Variants in SHROOM4 observed in about 807,000 individuals in gnomAD.
SHROOM4 encodes the protein shroom family member 4, also known as protein Shroom4.
Under a neutral mutation model 80.3 loss-of-function variants are expected in SHROOM4, and 17 were observed. The observed-to-expected ratio is 0.21, with a 90% CI of 0.14 to 0.32. The LOEUF (loss-of-function observed/expected upper bound fraction) is 0.32, where lower values mean the gene tolerates loss of function less well. Among genes scored for constraint, SHROOM4 ranks in the 10% least tolerant of loss-of-function variants. The pLI is 1.00. For missense variants in SHROOM4, 993 were observed against 1,140.3 expected, an observed-to-expected ratio of 0.87 and a Z score of 1.86; for synonymous variants, 400 against 437.5, an observed-to-expected ratio of 0.91 and a Z score of 1.07.
At chrX:50,663,306 C>A (rs1602416045) in intron 2 of SHROOM4, among the ~76,000 whole-genome samples, 1 of 111,948 alleles carries the variant, frequency 8.9e-6, no homozygotes, top group African/African-American at 3.2e-5. Flanking sequence ...TGGCTCAAAC[C>A]TGGTAATCAT....
intron 8 of SHROOM4, 85 bp downstream of exon 8, chrX:50,598,181 A>G: frequency 1.7e-6 from 2 of 1,148,205 alleles, no homozygotes; most frequent in Non-Finnish European, 2.4e-6. Context: ...ACTGTTTCCT[A>G]TAGTAGCCCA....
intron 1 of SHROOM4, among the ~76,000 whole-genome samples, chrX:50,763,509 A>G (rs1307080701): frequency 2.7e-5 from 3 of 111,309 alleles, no homozygotes; most frequent in Non-Finnish European, 5.6e-5. Context: ...CTAGATTCTG[A>G]TTAGCTTTCC....
intron 1 of SHROOM4, among the ~76,000 whole-genome samples, chrX:50,804,981 ATACT>A (rs1259128210): frequency 9.0e-6 from 1 of 111,422 alleles, no homozygotes; most frequent in Non-Finnish European, 1.9e-5. Flanking sequence ...GTCAAGCCTG[ATACT>A]TACCCCCTGA....
intron 3 of SHROOM4, 104 bp downstream of exon 3, chrX:50,638,070 T>C (rs1931431822): frequency 9.8e-7 from 1 of 1,021,776 alleles, no homozygotes; most frequent in East Asian, 3.4e-5. Flanking sequence ...TTTTCCATTA[T>C]AGTACTTGAG....
In SHROOM4 at chrX:50,635,129, G is replaced by T. The variant is rs1557255596; in HGVS notation, c.944C>A (p.Pro315His). The change falls in exon 4 of 9, where the codon CCT becomes CAT. Residue 315 changes from proline (P) to histidine (H), a missense_variant. Transcript: ENST00000376020. ...LPQKEKLSLE[P>H]VLPARNPNRF... The stretch of plus-strand genomic sequence containing the variant: ...ATTAGGGTTCCTTGCGGGTAGCACA[G>T]GCTCTAAGCTCAGTTTCTCCTTCTG... 8.3e-7 allele frequency: 1 copy of T among 1,211,054 alleles called. No homozygotes were observed.
chrX:50,813,313 C>G (rs1002166706), intron 1 of SHROOM4, among the ~76,000 whole-genome samples: 5 of 111,705 alleles, frequency 4.5e-5, no homozygotes, highest in African/African-American at 1.6e-4. Context: ...AGGGAGAGGC[C>G]GAGCCGAACC....
In SHROOM4 at chrX:50,634,502, T is replaced by C. The variant is rs1281855110; in HGVS notation, c.1571A>G (p.Asn524Ser). The C allele has an allele frequency of 5.0e-6, 6 of 1,209,705 alleles. No individual in the cohort carries two copies. The highest frequency in any genetic ancestry group is 1.8e-5 in the African/African-American group (1 of 57,028). ...GGAGCCAGAGGCAGAGGGTTGCTGG[T>C]TGGCCAATTCACTGGCTGCTCTGCT... is the stretch of plus-strand genomic sequence containing the variant. ...RTSRAASELA[N>S]QQPSASGSLV... The change falls in exon 4 of 9, where the codon AAC becomes AGC. Residue 524 changes from asparagine to serine, a missense_variant. By Grantham distance (46) the Asn-to-Ser change is conservative (BLOSUM62 1). Coordinates refer to ENST00000376020, the MANE Select transcript of SHROOM4 (RefSeq NM_020717.5).
rs1929018522 is a variant in SHROOM4 at position 50,594,622 on chromosome X, T to C, written c.*2073A>G. The C allele has an allele frequency of 9.0e-6, 1 of 111,436 alleles. No homozygotes were observed. Among genetic ancestry groups the C allele is most frequent in the Non-Finnish European group, 1.9e-5 (1 of 53,108 alleles). The allele number at this position is 111,436 out of a possible 1,213,427, so 9.2% of individuals were successfully genotyped here. On this transcript the variant is annotated 3_prime_UTR_variant, in exon 9 of 9. Transcript: ENST00000376020. The stretch of plus-strand genomic sequence containing the variant: ...CACAAATTCTGAGAATGATGAAACA[T>C]ATCAGCCTCATCCTCCCAATACAGG...
chrX:50,685,369 GA>G (rs781896131), intron 2 of SHROOM4, among the ~76,000 whole-genome samples: 2 of 111,801 alleles, frequency 1.8e-5, no homozygotes, highest in East Asian at 5.6e-4. Context: ...CCTTGGAATG[GA>G]AGTCTGGAGC....
intron 2 of SHROOM4, 147 bp downstream of exon 2, chrX:50,695,639 A>G (rs1386359184): frequency 1.5e-5 from 9 of 617,537 alleles, no homozygotes; most frequent in Non-Finnish European, 2.3e-5. Flanking sequence ...CTCCTGTGCT[A>G]TTCTGCTTCA....
the SHROOM4 span, among the ~76,000 whole-genome samples, chrX:50,576,136 C>G: frequency 3.6e-5 from 4 of 111,491 alleles, no homozygotes; most frequent in African/African-American, 1.3e-4. Context: ...TTGGGTGTCT[C>G]TAGGTGAGAA....
At chrX:50,726,085 G>A (rs1287727374) in intron 1 of SHROOM4, among the ~76,000 whole-genome samples, 1 of 112,084 alleles carries the variant, frequency 8.9e-6, no homozygotes, top group Admixed American at 9.4e-5. Flanking sequence ...CTCTTGCTAT[G>A]CTTTAGCGAA....
chrX:50,797,074 A>C (rs1010876919), intron 1 of SHROOM4, among the ~76,000 whole-genome samples: 1 of 98,518 alleles, frequency 1.0e-5, no homozygotes, highest in Non-Finnish European at 2.1e-5. Context: ...GGAAAGAAGA[A>C]ACAGAGAAAA....
At chrX:50,678,279 C>A (rs1436813422) in intron 2 of SHROOM4, among the ~76,000 whole-genome samples, 1 of 111,438 alleles carries the variant, frequency 9.0e-6, no homozygotes, top group Non-Finnish European at 1.9e-5. Flanking sequence ...AAGCTCTGAT[C>A]TACCCTGATC....
intron 1 of SHROOM4, among the ~76,000 whole-genome samples, chrX:50,785,559 A>G (rs149623698): frequency 0.029 from 3,230 of 111,924 alleles, 53 homozygotes; most frequent in Middle Eastern, 0.061. Context: ...TATGCTGAGT[A>G]AAAGAAGGCA....
At chrX:50,789,993 T>C (rs1412608424) in intron 1 of SHROOM4, among the ~76,000 whole-genome samples, 1 of 112,273 alleles carries the variant, frequency 8.9e-6, no homozygotes, top group African/African-American at 3.2e-5. Flanking sequence ...TACAAACCTA[T>C]ACAGTATCTT....
chrX:50,665,695 G>A (rs1454922187), intron 2 of SHROOM4, among the ~76,000 whole-genome samples: 1 of 110,312 alleles, frequency 9.1e-6, no homozygotes, highest in African/African-American at 3.3e-5. Context: ...CTGTAATGTG[G>A]GGATGTATTT....
intron 2 of SHROOM4, among the ~76,000 whole-genome samples, chrX:50,645,126 G>C (rs115400536): frequency 1.8e-5 from 2 of 111,270 alleles, no homozygotes; most frequent in African/African-American, 6.6e-5. Flanking sequence ...TAATTACCTG[G>C]GGATCTTGTT....
intron 1 of SHROOM4, among the ~76,000 whole-genome samples, chrX:50,758,178 T>G (rs782582797): frequency 2.3e-4 from 26 of 111,950 alleles, no homozygotes; most frequent in Non-Finnish European, 4.5e-4. Flanking sequence ...GTATAAAATA[T>G]AATATTATCT....
Sources: gnomAD v4.1 joint callset for allele counts (sites outside exome capture counted in the v4.1 genomes callset) on GRCh38, gnomAD v4.1.1 for gene constraint, MANE v1.5 for transcripts, NCBI Gene and HGNC (gene_info 2026-07-23, HGNC 2026-07-21) for gene names.